PILRA: variants seen among roughly 807,000 people sequenced by gnomAD.
PILRA encodes paired immunoglobin like type 2 receptor alpha, also known as paired immunoglobulin-like type 2 receptor alpha.
In PILRA, 37 loss-of-function variants were observed where a neutral mutation model predicts 33.1. The observed-to-expected ratio is 1.12, with a 90% CI of 0.86 to 1.47. The LOEUF is 1.47. Ranked by LOEUF, PILRA falls within the 40% of genes most tolerant of loss-of-function variation. The pLI is 0.00. For missense variants in PILRA, 312 were observed against 376.2 expected (o/e 0.83, Z 1.41); for synonymous variants, 146 against 149.9 (o/e 0.97, Z 0.19).
chr7:100,378,888 C>T (rs971116892), intron 2 of PILRA, among the ~76,000 whole-genome samples: 1 of 151,778 alleles, frequency 6.6e-6, no homozygotes, highest in South Asian at 2.1e-4. Flanking sequence ...GTCAGGAGAT[C>T]GAGACCATCC....
At chr7:100,394,090 C>G (rs1359720553) in intron 3 of PILRA, among the ~76,000 whole-genome samples, 1 of 152,140 alleles carries the variant, frequency 6.6e-6, no homozygotes, top group African/African-American at 2.4e-5. Context: ...ACCATTTCTG[C>G]CATAAGACAC....
chr7:100,374,524 C>T, intron 2 of PILRA, 91 bp downstream of exon 2: 1 of 1,476,584 alleles, frequency 6.8e-7, no homozygotes, highest in Non-Finnish European at 9.4e-7. Context: ...TCAGACCCCA[C>T]TTCTTCTGAC....
At position 100,373,726 on chromosome 7, in the gene PILRA, T is replaced by A. The variant is rs1790872731; in HGVS notation, c.64+6T>A. ...GCCAGCATTTCTGCAGCCTAGTGAG[T>A]ACCCAGGACCACCCAGATGTGGGCT... On this transcript the variant is annotated splice_donor_region_variant and intron_variant, in intron 1 of 6. Coordinates refer to ENST00000198536, the MANE Select transcript of PILRA (RefSeq NM_013439.3). 1 of 1,612,802 alleles carries A rather than the reference T, an allele frequency of 6.2e-7. No homozygotes were observed. Among genetic ancestry groups the A allele is most frequent in the Non-Finnish European group, 8.5e-7 (1 of 1,179,910 alleles).
chr7:100,389,236 A>AT (rs1407120358), intron 2 of PILRA, among the ~76,000 whole-genome samples: 1 of 152,216 alleles, frequency 6.6e-6, no homozygotes, highest in Non-Finnish European at 1.5e-5. Context: ...TAAAAGTAAT[A>AT]TTAGAGTTTT....
At chr7:100,394,744 C>T (rs1041145557) in intron 3 of PILRA, among the ~76,000 whole-genome samples, 1 of 151,924 alleles carries the variant, frequency 6.6e-6, no homozygotes, top group East Asian at 1.9e-4. Flanking sequence ...GGGCAAAGGA[C>T]AATCTCTTCA....
In PILRA at chr7:100,399,566, G is replaced by T. The variant is rs778726653; in HGVS notation, c.758-15G>T. On this transcript the variant is annotated splice_polypyrimidine_tract_variant and intron_variant, in intron 5 of 6. Coordinates refer to ENST00000198536, the MANE Select transcript of PILRA (RefSeq NM_013439.3). ...ACGCCACCTGACCTTGGCACACCTT[G>T]CTTTTTATTCTTAGGACAAAATACA... 6.2e-7 allele frequency: 1 copy of T among 1,613,932 alleles called. No individual in the cohort carries two copies. The highest frequency in any genetic ancestry group is 1.3e-5 in the African/African-American group (1 of 74,876).
intron 2 of PILRA, among the ~76,000 whole-genome samples, chr7:100,382,748 T>C (rs1445407715): frequency 2.6e-5 from 4 of 152,198 alleles, no homozygotes; most frequent in Non-Finnish European, 5.9e-5. Flanking sequence ...GTCTTGCTGC[T>C]GCTTGCTCTT....
At chr7:100,389,847 GC>G (rs1439823950) in intron 2 of PILRA, 40 bp from the exon 3 acceptor site, 2 of 1,556,512 alleles carry the variant, frequency 1.3e-6, no homozygotes, top group East Asian at 4.5e-5. Flanking sequence ...GACACCCTGT[GC>G]CCCCAGGGGA....
In PILRA at chr7:100,373,515, G is replaced by A. The variant is rs900215859; in HGVS notation, c.-142G>A. The A allele has an allele frequency of 5.8e-6, 5 of 863,688 alleles. No homozygotes were observed. Among genetic ancestry groups the A allele is most frequent in the Admixed American group, 3.9e-5 (2 of 51,472 alleles). The allele number at this position is 863,688 out of a possible 1,614,324, so 53.5% of individuals were successfully genotyped here. On this transcript the variant is annotated 5_prime_UTR_variant, in exon 1 of 7. Transcript: ENST00000198536. ...CTGGAGGTGCACTGGTTTGGGGAAG[G>A]CTCCTGGCCCCCACAGCCCTCTTCG...
chr7:100,396,066 G>T (rs888268347), intron 3 of PILRA, among the ~76,000 whole-genome samples: 1 of 152,158 alleles, frequency 6.6e-6, no homozygotes, highest in African/African-American at 2.4e-5. Context: ...AGAGGTTGCA[G>T]TGAGCTGAGA....
rs1790891413 is a variant in PILRA, at chr7:100,374,218, CCTT to C, written c.242_244del (p.Phe81del). 6.2e-7 allele frequency: 1 copy of C among 1,614,034 alleles called. No homozygotes were observed. The highest frequency in any genetic ancestry group is 1.3e-5 in the African/African-American group (1 of 74,904). On this transcript the variant is annotated inframe_deletion, in exon 2 of 7. Transcript: ENST00000198536. Reference sequence around the variant, plus strand: ...AGACGGGGCCACTTCCACAGGCAGTCCTTCTACAGCACAAGGCCGCCTTCCATT... The same window carrying C: ...AGACGGGGCCACTTCCACAGGCAGTCCTACAGCACAAGGCCGCCTTCCATT...
At chr7:100,398,655 T>TC (rs1341625841) in intron 4 of PILRA, among the ~76,000 whole-genome samples, 2 of 152,210 alleles carry the variant, frequency 1.3e-5, no homozygotes, top group Admixed American at 1.3e-4. Context: ...GTTTTGCTTC[T>TC]CCCAGTTTTA....
intron 2 of PILRA, among the ~76,000 whole-genome samples, chr7:100,377,432 G>A (rs902922490): frequency 4.0e-5 from 6 of 151,566 alleles, no homozygotes; most frequent in Non-Finnish European, 8.8e-5. Context: ...TAGTAGAGAC[G>A]GGGTTTCACC....
intron 5 of PILRA, 88 bp downstream of exon 5, chr7:100,399,428 T>C: frequency 7.2e-7 from 1 of 1,391,618 alleles, no homozygotes; most frequent in Non-Finnish European, 1.0e-6. Context: ...CGTGCCCCTG[T>C]CAGTATTTTC....
intron 2 of PILRA, among the ~76,000 whole-genome samples, chr7:100,376,761 CTTTTTTTT>C (rs34944697): frequency 1.1e-4 from 8 of 75,020 alleles, no homozygotes; most frequent in African/African-American, 2.9e-4. Context: ...CTTGCTCTGC[CTTTTTTTT>C]TTTTTTTTTT....
intron 2 of PILRA, among the ~76,000 whole-genome samples, chr7:100,387,412 C>G (rs1791278642): frequency 6.6e-6 from 1 of 152,168 alleles, no homozygotes; most frequent in African/African-American, 2.4e-5. Context: ...TGGGCTTTCA[C>G]CATGTTGGCC....
chr7:100,383,579 C>T (rs1461121747), intron 2 of PILRA, among the ~76,000 whole-genome samples: 1 of 151,220 alleles, frequency 6.6e-6, no homozygotes, highest in Non-Finnish European at 1.5e-5. Flanking sequence ...GCTCTGAGTG[C>T]CATGGGAGCG....
chr7:100,375,289 G>A (rs1454727842), intron 2 of PILRA, among the ~76,000 whole-genome samples: 2 of 152,160 alleles, frequency 1.3e-5, no homozygotes, highest in South Asian at 2.1e-4. Context: ...AAATCGCTTC[G>A]TGTGCATTGC....
chr7:100,377,231 CTTTTTTT>C (rs761225046), intron 2 of PILRA, among the ~76,000 whole-genome samples: 124 of 100,922 alleles, frequency 1.2e-3, no homozygotes, highest in Middle Eastern at 0.011. Context: ...TTTTCTATTT[CTTTTTTT>C]TTTTTTTTTT....
Sources: allele counts gnomAD v4.1 joint callset (sites outside exome capture counted in the v4.1 genomes callset), GRCh38; gene constraint gnomAD v4.1.1; transcripts MANE v1.5; gene names NCBI Gene and HGNC (gene_info 2026-07-23, HGNC 2026-07-21).